Variants in TTC28 observed in about 807,000 individuals in gnomAD.
TTC28 encodes the protein tetratricopeptide repeat protein 28.
TTC28 carries 61 observed loss-of-function variants against 198.0 expected under a neutral mutation model. The observed-to-expected ratio is 0.31, with a 90% CI of 0.25 to 0.38. The LOEUF is 0.38. Ranked by LOEUF, TTC28 falls within the 10% of genes least tolerant of loss-of-function variation. The pLI, the probability that TTC28 is intolerant of heterozygous loss-of-function variation, is 1.00. For synonymous variants in TTC28, 1,171 were observed against 1,297.8 expected (o/e 0.90, Z 2.10); for missense variants, 2,678 against 3,164.0 (o/e 0.85, Z 3.69).
intron 2 of TTC28, among the ~76,000 whole-genome samples, chr22:28,504,286 GTAA>G (rs1386201691): frequency 6.6e-6 from 1 of 151,986 alleles, no homozygotes; most frequent in Non-Finnish European, 1.5e-5. Flanking sequence ...TATATAACAG[GTAA>G]TTATTAATCA....
chr22:28,123,536 C>T (rs1297338142), intron 6 of TTC28, among the ~76,000 whole-genome samples: 5 of 152,194 alleles, frequency 3.3e-5, no homozygotes, highest in African/African-American at 1.2e-4. Context: ...GGATTATAGG[C>T]GTAAGCCACC....
chr22:28,598,180 T>C (rs1246454725), intron 2 of TTC28, among the ~76,000 whole-genome samples: 1 of 151,670 alleles, frequency 6.6e-6, no homozygotes, highest in African/African-American at 2.4e-5. Context: ...GTTTAAACCA[T>C]GGAAAAACTG....
intron 2 of TTC28, among the ~76,000 whole-genome samples, chr22:28,520,614 C>T (rs1471032658): frequency 6.6e-6 from 1 of 152,094 alleles, no homozygotes; most frequent in Non-Finnish European, 1.5e-5. Flanking sequence ...AAAAATCAGC[C>T]AGGCATGGTG....
At chr22:28,384,131 C>T (rs1234554261) in intron 2 of TTC28, among the ~76,000 whole-genome samples, 1 of 152,166 alleles carries the variant, frequency 6.6e-6, no homozygotes, top group Admixed American at 6.5e-5. Context: ...CCCTTATTTC[C>T]TTCAGGTCTC....
chr22:28,646,029 T>A (rs1163738240), intron 1 of TTC28, among the ~76,000 whole-genome samples: 1 of 152,044 alleles, frequency 6.6e-6, no homozygotes, highest in Non-Finnish European at 1.5e-5. Flanking sequence ...TGATGCCCAT[T>A]TTCACCAGTT....
intron 5 of TTC28, among the ~76,000 whole-genome samples, chr22:28,191,730 C>T (rs760352673): frequency 6.6e-6 from 1 of 152,138 alleles, no homozygotes; most frequent in Non-Finnish European, 1.5e-5. Flanking sequence ...AAGGTGGAAG[C>T]GAGGCTGGGG....
intron 2 of TTC28, among the ~76,000 whole-genome samples, chr22:28,407,268 T>C (rs990844364): frequency 2.6e-5 from 4 of 152,090 alleles, no homozygotes; most frequent in African/African-American, 9.7e-5. Flanking sequence ...CAAAGATAAT[T>C]CTGGAGAAAG....
intron 5 of TTC28, among the ~76,000 whole-genome samples, chr22:28,248,421 G>A (rs1015899235): frequency 1.3e-5 from 2 of 152,084 alleles, no homozygotes; most frequent in Non-Finnish European, 2.9e-5. Context: ...CTTAAATTAA[G>A]GAGGATGTTA....
At chr22:28,168,893 G>C (rs920024251) in intron 5 of TTC28, among the ~76,000 whole-genome samples, 1 of 152,142 alleles carries the variant, frequency 6.6e-6, no homozygotes, top group African/African-American at 2.4e-5. Context: ...GCACCCTACA[G>C]AATGGGAGAA....
chr22:28,429,754 AG>A (rs2146198440), intron 2 of TTC28, among the ~76,000 whole-genome samples: 1 of 152,342 alleles, frequency 6.6e-6, no homozygotes, highest in African/African-American at 2.4e-5. Context: ...AAAATTAAAA[AG>A]TAGACAGAAT....
rs552214920 is a variant in TTC28 at position 28,431,976 on chromosome 22, TTAAAATAAAA to T, written c.382-125343_382-125334del. ...TTAGGCAACAGAGTGAGACTCTGTC[TTAAAATAAAA>T]TAAAATAAAATAAAATAGGCCAGGC... On this transcript the variant is annotated intron_variant, in intron 2 of 22. Transcript: ENST00000397906. Among the ~76,000 whole-genome samples the T allele has an allele frequency of 4.7e-5, 7 of 149,760 alleles. No homozygotes were observed. The South Asian group carries it at 6.3e-4, about 14-fold the overall frequency.
chr22:28,064,989 G>A (rs758619782), intron 12 of TTC28, among the ~76,000 whole-genome samples: 3 of 152,166 alleles, frequency 2.0e-5, no homozygotes, highest in Non-Finnish European at 4.4e-5. Flanking sequence ...ACATTAGAGA[G>A]CTATCAGTGT....
chr22:28,226,982 G>C (rs1928391424), intron 5 of TTC28, among the ~76,000 whole-genome samples: 1 of 152,116 alleles, frequency 6.6e-6, no homozygotes, highest in Non-Finnish European at 1.5e-5. Flanking sequence ...CTGGAGTGCA[G>C]TAGAGCAATC....
At chr22:28,038,503 T>C (rs1939459461) in intron 12 of TTC28, among the ~76,000 whole-genome samples, 1 of 152,156 alleles carries the variant, frequency 6.6e-6, no homozygotes, top group African/African-American at 2.4e-5. Context: ...CCTTACACCT[T>C]ATACAAAAAT....
intron 2 of TTC28, among the ~76,000 whole-genome samples, chr22:28,537,318 T>TC (rs2049309335): frequency 7.2e-6 from 1 of 139,806 alleles, no homozygotes; most frequent in Admixed American, 7.1e-5. Context: ...TAAAATAAAA[T>TC]AAAATAAAAT....
chr22:28,553,319 G>A (rs868755801), intron 2 of TTC28, among the ~76,000 whole-genome samples: 3 of 149,190 alleles, frequency 2.0e-5, no homozygotes, highest in South Asian at 2.1e-4. Flanking sequence ...TCTGCCCAGC[G>A]CCATCCCATC....
intron 2 of TTC28, among the ~76,000 whole-genome samples, chr22:28,572,586 G>T (rs1171755564): frequency 6.6e-6 from 1 of 152,018 alleles, no homozygotes; most frequent in Non-Finnish European, 1.5e-5. Flanking sequence ...TTGAAAACAG[G>T]CAGAAGCAGG....
chr22:28,457,614 T>C (rs1474747751), intron 2 of TTC28, among the ~76,000 whole-genome samples: 9 of 152,232 alleles, frequency 5.9e-5, no homozygotes, highest in Non-Finnish European at 1.3e-4. Context: ...TAGCTTATCA[T>C]AGTTATTTTT....
In TTC28 at chr22:28,297,804, T is replaced by G; in HGVS notation, c.578A>C (p.Lys193Thr). ...CACAGACACGACCACAAAGGGACTC[T>G]TGTCCAGTTTCATTTTCTGAAGCTG... ...YQQLQKMKLD[K>T]SPFVVVSVVG... Residue 193 changes from lysine to threonine, a missense_variant, in exon 4 of 23, where the codon AAG (lysine) becomes ACG (threonine). Transcript: ENST00000397906. 6.4e-7 allele frequency: 1 copy of G among 1,551,660 alleles called. No individual in the cohort carries two copies. Among genetic ancestry groups the G allele is most frequent in the Non-Finnish European group, 8.7e-7 (1 of 1,146,998 alleles).
Sources: gnomAD v4.1 joint callset for allele counts (sites outside exome capture counted in the v4.1 genomes callset) on GRCh38, gnomAD v4.1.1 for gene constraint, MANE v1.5 for transcripts, NCBI Gene and HGNC (gene_info 2026-07-23, HGNC 2026-07-21) for gene names.